Variants in TAFA2 observed in about 807,000 individuals in gnomAD.
TAFA2 encodes the protein TAFA chemokine like family member 2, also known as chemokine-like protein TAFA-2.
Under a neutral mutation model 18.8 loss-of-function variants are expected in TAFA2, and 7 were observed. The ratio of observed to expected loss-of-function variants is 0.37; its 90% CI spans 0.21 to 0.70. TAFA2 has a LOEUF of 0.70. TAFA2 is among the 30% of genes least tolerant of loss of function. The pLI is 0.53. For missense variants in TAFA2, 122 were observed against 158.1 expected, an observed-to-expected ratio of 0.77 and a Z score of 1.23; for synonymous variants, 60 against 54.2, an observed-to-expected ratio of 1.11 and a Z score of -0.47.
chr12:61,866,898 A>T (rs1185830677), intron 2 of TAFA2, among the ~76,000 whole-genome samples: 1 of 151,556 alleles, frequency 6.6e-6, no homozygotes, highest in African/African-American at 2.4e-5. Flanking sequence ...ATTTTATTTT[A>T]TTTTTTTATT....
chr12:62,145,718 C>A (rs1165407807), intron 1 of TAFA2: 1 of 152,132 alleles, frequency 6.6e-6, no homozygotes, highest in African/African-American at 2.4e-5. Context: ...CTGCGGATGC[C>A]CAGTCTGGAG....
chr12:61,866,440 T>G (rs990498922), intron 2 of TAFA2, among the ~76,000 whole-genome samples: 2 of 152,200 alleles, frequency 1.3e-5, no homozygotes, highest in African/African-American at 2.4e-5. Flanking sequence ...GTTGTTAGTC[T>G]CTAGACTTTA....
chr12:61,751,031 G>A (rs537732435), intron 4 of TAFA2, among the ~76,000 whole-genome samples: 13 of 152,018 alleles, frequency 8.6e-5, no homozygotes, highest in Non-Finnish European at 1.6e-4. Context: ...TTAAAATAAT[G>A]ACTCAAATTT....
At chr12:62,196,518 G>C (rs1412991292), upstream of TAFA2, among the ~76,000 whole-genome samples, 1 of 152,128 alleles carries the variant, frequency 6.6e-6, no homozygotes, top group Non-Finnish European at 1.5e-5. Flanking sequence ...ATATTAATGG[G>C]CCTAATTTCA....
chr12:61,727,698 T>C (rs1355713032), intron 4 of TAFA2, among the ~76,000 whole-genome samples: 1 of 152,004 alleles, frequency 6.6e-6, no homozygotes, highest in Non-Finnish European at 1.5e-5. Flanking sequence ...TTTTGTATGG[T>C]TTAGTTACAC....
chr12:61,924,472 T>C (rs1877191922), intron 1 of TAFA2, among the ~76,000 whole-genome samples: 1 of 152,136 alleles, frequency 6.6e-6, no homozygotes, highest in South Asian at 2.1e-4. Context: ...ACACATAATT[T>C]CATATCCAGT....
intron 1 of TAFA2, chr12:62,021,621 C>G: frequency 9.0e-7 from 1 of 1,113,508 alleles, no homozygotes; most frequent in Non-Finnish European, 1.4e-6. Flanking sequence ...TCCCACCCTT[C>G]TGTTCTGAGA....
chr12:62,108,066 C>T (rs1438211584), intron 1 of TAFA2, among the ~76,000 whole-genome samples: 1 of 152,046 alleles, frequency 6.6e-6, no homozygotes, highest in Non-Finnish European at 1.5e-5. Flanking sequence ...TATACACGTG[C>T]CATGGTGGTT....
At chr12:61,938,772 T>C (rs1225742357) in intron 1 of TAFA2, among the ~76,000 whole-genome samples, 1 of 152,142 alleles carries the variant, frequency 6.6e-6, no homozygotes, top group Non-Finnish European at 1.5e-5. Context: ...TGGATAGAGC[T>C]AGAGGCCATT....
At chr12:62,012,816 C>T (rs1880815025) in intron 1 of TAFA2, among the ~76,000 whole-genome samples, 1 of 152,108 alleles carries the variant, frequency 6.6e-6, no homozygotes, top group Non-Finnish European at 1.5e-5. Flanking sequence ...ATTCTATATT[C>T]CTGATTATTG....
At chr12:61,764,402 T>C (rs539247895) in intron 2 of TAFA2, among the ~76,000 whole-genome samples, 2 of 152,162 alleles carry the variant, frequency 1.3e-5, no homozygotes, top group South Asian at 4.1e-4. Context: ...CCTATAAGCA[T>C]TCCTAGGAAG....
At chr12:62,151,224 C>T (rs1204602076) in intron 1 of TAFA2, among the ~76,000 whole-genome samples, 1 of 152,154 alleles carries the variant, frequency 6.6e-6, no homozygotes, top group African/African-American at 2.4e-5. Flanking sequence ...TCCGAGGTCA[C>T]CTGGCTAATC....
chr12:62,254,167 CTTA>C (rs972933778), intron 1 of TAFA2, among the ~76,000 whole-genome samples: 12 of 152,178 alleles, frequency 7.9e-5, no homozygotes, highest in South Asian at 2.1e-4. Context: ...ATTTGTTTAT[CTTA>C]TTATTAAAAT....
intron 1 of TAFA2, among the ~76,000 whole-genome samples, chr12:61,886,988 A>C (rs575084469): frequency 6.6e-6 from 1 of 152,370 alleles, no homozygotes; most frequent in South Asian, 2.1e-4. Context: ...GAAAATCATA[A>C]TGCTTTCTCA....
chr12:62,037,815 C>T (rs1414386431), intron 1 of TAFA2, among the ~76,000 whole-genome samples: 3 of 152,126 alleles, frequency 2.0e-5, no homozygotes, highest in African/African-American at 4.8e-5. Flanking sequence ...AATTATTTTA[C>T]CGCCTGACAG....
At chr12:62,157,737 C>T (rs1040132083) in intron 1 of TAFA2, among the ~76,000 whole-genome samples, 3 of 152,186 alleles carry the variant, frequency 2.0e-5, no homozygotes, top group Non-Finnish European at 4.4e-5. Context: ...TAACATCCTC[C>T]AGCCCCTCCT....
At chr12:62,242,339 G>T (rs976632732) in intron 1 of TAFA2, 7 of 151,900 alleles carry the variant, frequency 4.6e-5, no homozygotes, top group Non-Finnish European at 1.0e-4. Context: ...AAGAAAAAAG[G>T]AAAAATGAAC....
chr12:61,863,900 T>C (rs1376693695), intron 2 of TAFA2, among the ~76,000 whole-genome samples: 1 of 152,096 alleles, frequency 6.6e-6, no homozygotes, highest in Non-Finnish European at 1.5e-5. Context: ...GACGAGGCCA[T>C]CTATCTTGCC....
chr12:62,202,821 C>CCTT (rs368047311), intron 1 of TAFA2, among the ~76,000 whole-genome samples: 16 of 61,632 alleles, frequency 2.6e-4, no homozygotes, highest in South Asian at 7.6e-4. Context: ...CTGTGTGGTT[C>CCTT]TTTTTTTTTT....
Sources: allele counts gnomAD v4.1 joint callset (sites outside exome capture counted in the v4.1 genomes callset), GRCh38; gene constraint gnomAD v4.1.1; transcripts MANE v1.5; gene names NCBI Gene and HGNC (gene_info 2026-07-23, HGNC 2026-07-21).